PNN: variants seen among roughly 807,000 people sequenced by gnomAD.
PNN encodes the protein pinin.
A neutral mutation model predicts 76.6 loss-of-function variants in PNN; 38 were observed. That is an observed-to-expected ratio of 0.50 (90% CI 0.38 to 0.65). PNN has a LOEUF of 0.65. PNN is among the 30% of genes least tolerant of loss of function. The pLI is 0.00. For synonymous variants in PNN, 366 were observed against 283.7 expected (o/e 1.29, Z -2.91); for missense variants, 873 against 874.1 (o/e 1.00, Z 0.02).
Position 39,181,663 on chromosome 14 carries a change from C to T in PNN, c.1954C>T (p.Arg652Trp), listed in dbSNP as rs1411042636. 14 of 1,613,736 alleles carry T rather than the reference C, an allele frequency of 8.7e-6. No homozygotes were observed. The Middle Eastern group carries it at 4.9e-4, about 57-fold the overall frequency. ...RDRKHRRSVD[R>W]KRRDTSGLER... is the part of the protein sequence containing the mutation. ...TAGAAAGCACAGAAGGAGCGTGGAT[C>T]GGAAGAGAAGGGATACTTCAGGACT... is the stretch of plus-strand genomic sequence containing the variant. Residue 652 changes from arginine (R) to tryptophan (W), a missense_variant, in exon 9 of 9, where the codon CGG becomes TGG. Arg to Trp is a moderately radical substitution (Grantham distance 101). This residue lies in a region of PNN where 712 missense variants were observed against 693.1 expected (regional missense o/e 1.03). Coordinates refer to ENST00000216832, the MANE Select transcript of PNN (RefSeq NM_002687.4).
Position 39,181,314 on chromosome 14 carries a change from A to T in PNN, c.1605A>T (p.Val535=), listed in dbSNP as rs750802156. The T allele has an allele frequency of 1.2e-6, 2 of 1,614,186 alleles. No individual in the cohort carries two copies. Among genetic ancestry groups the T allele is most frequent in the Non-Finnish European group, 1.7e-6 (2 of 1,179,980 alleles). The change falls in exon 9 of 9, where the codon GTA becomes GTT. Residue 535 remains valine (V), a synonymous_variant. Coordinates refer to ENST00000216832, the MANE Select transcript of PNN (RefSeq NM_002687.4). ...GGAAGGATTTTCCTGTAGAGTCTGT[A>T]AAACTCACTGAGGTACCAGTAGAGC... The part of the protein sequence containing the change: ...PERKDFPVES[V]KLTEVPVEPV...
rs905551920 is a variant in PNN, at chr14:39,181,526, G to C, written c.1817G>C (p.Ser606Thr). The change falls in exon 9 of 9, where the codon AGT becomes ACT. Residue 606 changes from serine to threonine, a missense_variant. This residue lies in a region of PNN where 712 missense variants were observed against 693.1 expected (regional missense o/e 1.03). Coordinates refer to ENST00000216832, the MANE Select transcript of PNN (RefSeq NM_002687.4). ...SSSGSSSSRS[S>T]SSSSSSTSGS... Reference sequence around the variant, plus strand: ...AGTGGAAGTAGTAGCAGTCGCAGTAGTTCCAGTAGCAGCTCCAGTACAAGT... The same window carrying C: ...AGTGGAAGTAGTAGCAGTCGCAGTACTTCCAGTAGCAGCTCCAGTACAAGT... 1 of 1,602,544 alleles carries C rather than the reference G, an allele frequency of 6.2e-7. No individual in the cohort carries two copies. The highest frequency in any genetic ancestry group is 1.3e-5 in the African/African-American group (1 of 74,454).
At chr14:39,175,882 A>C (rs2053219262) in intron 1 of PNN, 196 bp from the exon 2 acceptor site, 1 of 560,124 alleles carries the variant, frequency 1.8e-6, no homozygotes, top group Non-Finnish European at 3.1e-6. Flanking sequence ...AATTTCTGTG[A>C]CACAGGTCCT....
rs769038718 is a variant in PNN, at chr14:39,180,735, A to G, written c.1026A>G (p.Ile342Met). The stretch of plus-strand genomic sequence containing the variant: ...CAGGAGAGGAAGAGGAAAAGGAAAT[A>G]GCGATTGTTCATAGTGATGCAGAGA... The part of the protein sequence containing the change: ...EEAGEEEEKE[I>M]AIVHSDAEKE... Residue 342 changes from isoleucine to methionine, a missense_variant, in exon 9 of 9, where the codon ATA becomes ATG. This residue lies in a region of PNN where 712 missense variants were observed against 693.1 expected (regional missense o/e 1.03). Transcript: ENST00000216832. 6.3e-7 allele frequency: 1 copy of G among 1,596,846 alleles called. No individual in the cohort carries two copies. The highest frequency in any genetic ancestry group is 1.3e-5 in the African/African-American group (1 of 74,508).
Position 39,183,106 on chromosome 14 carries a change from A to G in PNN, c.*1243A>G, listed in dbSNP as rs1377951456. On this transcript the variant is annotated 3_prime_UTR_variant, in exon 9 of 9. Coordinates refer to ENST00000216832, the MANE Select transcript of PNN (RefSeq NM_002687.4). ...AATGGTTACAGTGAAAATGTGAAGA[A>G]GTATTTCCAGTTAGTTTTTGTGTGT... is the stretch of plus-strand genomic sequence containing the variant. 1 of 152,636 alleles carries G rather than the reference A, an allele frequency of 6.6e-6. No individual in the cohort carries two copies. The highest frequency in any genetic ancestry group is 1.5e-5 in the Non-Finnish European group (1 of 68,052). 9.5% of individuals were successfully genotyped at this position (152,636 alleles called of 1,614,324 possible).
chr14:39,176,542 T>C lies in PNN; in HGVS notation c.201T>C (p.Asp67=), dbSNP rs759874082. The change falls in exon 3 of 9, where the codon GAT becomes GAC. Residue 67 remains aspartate (D), a synonymous_variant. Coordinates refer to ENST00000216832, the MANE Select transcript of PNN (RefSeq NM_002687.4). Reference sequence around the variant, plus strand: ...TAAATTTCAGGCGTGGATTCTCAGATAGTGGAGGAGGACCCCCAGCCAAAC... The same window carrying C: ...TAAATTTCAGGCGTGGATTCTCAGACAGTGGAGGAGGACCCCCAGCCAAAC... ...GSLLLRRGFS[D]SGGGPPAKQR... The C allele has an allele frequency of 5.0e-6, 8 of 1,607,792 alleles. No homozygotes were observed. Among genetic ancestry groups the C allele is most frequent in the Middle Eastern group, 3.3e-4 (2 of 6,048 alleles).
chr14:39,182,085 AATG>A lies in PNN; in HGVS notation c.*225_*227del, dbSNP rs1191365414. ...TATGTGAGGTTCCAAAATATGTAAA[AATG>A]ATAATAATAAAAAAAGATTAACATC... On this transcript the variant is annotated 3_prime_UTR_variant, in exon 9 of 9. Coordinates refer to ENST00000216832, the MANE Select transcript of PNN (RefSeq NM_002687.4). 1 of 426,082 alleles carries A rather than the reference AATG, an allele frequency of 2.3e-6. No homozygotes were observed. Among genetic ancestry groups the A allele is most frequent in the Non-Finnish European group, 4.1e-6 (1 of 241,860 alleles). 26.4% of individuals were successfully genotyped at this position (426,082 alleles called of 1,614,324 possible). A position where few individuals can be genotyped will look rare whatever the true frequency, so the allele number is the denominator to read the frequency against.
At chr14:39,178,396 T>G (rs2053245242) in intron 6 of PNN, among the ~76,000 whole-genome samples, 1 of 151,948 alleles carries the variant, frequency 6.6e-6, no homozygotes, top group South Asian at 2.1e-4. Flanking sequence ...CCGCCTGTGG[T>G]GGCATGCGCC....
intron 6 of PNN, 83 bp from the exon 7 acceptor site, chr14:39,179,008 T>A (rs1384180645): frequency 7.6e-7 from 1 of 1,309,486 alleles, no homozygotes; most frequent in African/African-American, 1.5e-5. Flanking sequence ...TAACTTTTTA[T>A]CATAATTGAA....
At chr14:39,177,727 A>C in intron 5 of PNN, 40 bp downstream of exon 5, 1 of 1,506,948 alleles carries the variant, frequency 6.6e-7, no homozygotes, top group Non-Finnish European at 9.2e-7. Context: ...GAAATAATGC[A>C]GTTATAAGGA....
Position 39,181,237 on chromosome 14 carries a change from T to A in PNN, c.1528T>A (p.Leu510Ile). 6 of 1,614,062 alleles carry A rather than the reference T, an allele frequency of 3.7e-6. No individual in the cohort carries two copies. Among genetic ancestry groups the A allele is most frequent in the Non-Finnish European group, 5.1e-6 (6 of 1,179,968 alleles). ...GCCTGAGGATTTGTCATTAGCTGTT[T>A]TACAGCCAACACCCCAAGTTACTCA... Reference protein sequence around the residue: ...SQPEDLSLAVLQPTPQVTQEQ... With the variant: ...SQPEDLSLAVIQPTPQVTQEQ... Residue 510 changes from leucine (L) to isoleucine (I), a missense_variant, in exon 9 of 9, where the codon TTA becomes ATA. Physicochemically the swap from Leu to Ile is conservative, Grantham distance 5 (BLOSUM62 2). Coordinates refer to ENST00000216832, the MANE Select transcript of PNN (RefSeq NM_002687.4).
intron 6 of PNN, among the ~76,000 whole-genome samples, chr14:39,178,828 C>G (rs1594555506): frequency 6.6e-6 from 1 of 152,002 alleles, no homozygotes; most frequent in South Asian, 2.1e-4. Context: ...ACCTCCGCCT[C>G]TGGGGTTCAA....
intron 3 of PNN, among the ~76,000 whole-genome samples, chr14:39,177,086 C>A (rs2053232587): frequency 6.6e-6 from 1 of 152,160 alleles, no homozygotes; most frequent in South Asian, 2.1e-4. Flanking sequence ...CCTCAGTGGT[C>A]ATTTAAATTA....
Position 39,177,844 on chromosome 14 carries a change from C to G in PNN, c.426C>G (p.Asn142Lys). The G allele has an allele frequency of 6.2e-7, 1 of 1,608,652 alleles. No homozygotes were observed. The highest frequency in any genetic ancestry group is 8.5e-7 in the Non-Finnish European group (1 of 1,175,458). ...ATTTTCTTATTCTGTTCTTTAGGAA[C>G]CGGCGAATATTTGGCTTGTTGATGG... ...QNMDEKGKQR[N>K]RRIFGLLMGT... Residue 142 changes from asparagine to lysine, a missense_variant, in exon 6 of 9, where the codon AAC becomes AAG. Asn to Lys is a moderately conservative substitution (Grantham distance 94). Around this residue, in one of 3 missense-constraint regions of PNN, gnomAD observed 712 missense variants for 693.1 expected, o/e 1.03. Coordinates refer to ENST00000216832, the MANE Select transcript of PNN (RefSeq NM_002687.4).
chr14:39,179,308 T>G lies in PNN; in HGVS notation c.655-16T>G. On this transcript the variant is annotated splice_polypyrimidine_tract_variant and intron_variant, in intron 7 of 8. Coordinates refer to ENST00000216832, the MANE Select transcript of PNN (RefSeq NM_002687.4). Reference sequence around the variant, plus strand: ...TTTGTGTTTACAAAAGCACTGACCCTTTACCTTTTCTTTAGCAAGAAGAAT... The same window carrying G: ...TTTGTGTTTACAAAAGCACTGACCCGTTACCTTTTCTTTAGCAAGAAGAAT... The G allele has an allele frequency of 2.5e-6, 4 of 1,609,714 alleles. No homozygotes were observed. Among genetic ancestry groups the G allele is most frequent in the Non-Finnish European group, 3.4e-6 (4 of 1,178,792 alleles).
At chr14:39,180,430 G>C in intron 8 of PNN, 73 bp from the exon 9 acceptor site, 1 of 1,424,838 alleles carries the variant, frequency 7.0e-7, no homozygotes, top group Non-Finnish European at 9.3e-7. Flanking sequence ...GACAATTTGT[G>C]ACCAGTTATA....
rs1279985590 is a variant in PNN, at chr14:39,182,576, A to G, written c.*713A>G. 3 of 152,498 alleles carry G rather than the reference A, an allele frequency of 2.0e-5. No homozygotes were observed. The highest frequency in any genetic ancestry group is 2.9e-5 in the Non-Finnish European group (2 of 68,028). 9.4% of individuals were successfully genotyped at this position (152,498 alleles called of 1,614,324 possible). A position where few individuals can be genotyped will look rare whatever the true frequency, so the allele number is the denominator to read the frequency against. ...TTTTCTTCCTGATGATGGGAGCGTC[A>G]TTCTTTTGTCTTCATGGTTACTTGT... On this transcript the variant is annotated 3_prime_UTR_variant, in exon 9 of 9. Transcript: ENST00000216832.
At position 39,180,662 on chromosome 14, in the gene PNN, A is replaced by C. The variant is rs1228401421; in HGVS notation, c.953A>C (p.Glu318Ala). The C allele has an allele frequency of 6.2e-7, 1 of 1,612,712 alleles. No homozygotes were observed. Among genetic ancestry groups the C allele is most frequent in the Non-Finnish European group, 8.5e-7 (1 of 1,179,286 alleles). ...EEGKVAQREE[E>A]LEETGNQHND... Reference sequence around the variant, plus strand: ...GGTAAGGTGGCTCAGCGAGAGGAAGAGTTGGAGGAGACAGGTAATCAGCAC... The same window carrying C: ...GGTAAGGTGGCTCAGCGAGAGGAAGCGTTGGAGGAGACAGGTAATCAGCAC... Residue 318 changes from glutamate (E) to alanine (A), a missense_variant, in exon 9 of 9, where the codon GAG becomes GCG. Transcript: ENST00000216832.
chr14:39,175,258 T>G lies in PNN; in HGVS notation c.-22T>G. The G allele has an allele frequency of 2.0e-6, 3 of 1,505,542 alleles. No individual in the cohort carries two copies. Among genetic ancestry groups the G allele is most frequent in the Non-Finnish European group, 2.8e-6 (3 of 1,088,062 alleles). The allele number at this position is 1,505,542 out of a possible 1,614,324, so 93.3% of individuals were successfully genotyped here. On this transcript the variant is annotated 5_prime_UTR_variant, in exon 1 of 9. Coordinates refer to ENST00000216832, the MANE Select transcript of PNN (RefSeq NM_002687.4). ...GCCCGGCTCGGCCTGTAAAGCAGTC[T>G]CAAGCCTGCCGCAGGGAGAAGATGG...
Sources: allele counts gnomAD v4.1 joint callset (sites outside exome capture counted in the v4.1 genomes callset), GRCh38; gene constraint gnomAD v4.1.1; regional missense constraint gnomAD v4.1.1; transcripts MANE v1.5; gene names NCBI Gene and HGNC (gene_info 2026-07-23, HGNC 2026-07-21).